MOK: variants seen among roughly 807,000 people sequenced by gnomAD.
MOK encodes the protein MOK protein kinase.
In MOK, 59 loss-of-function variants were observed where a neutral mutation model predicts 54.2. That is an observed-to-expected ratio of 1.09 (90% CI 0.88 to 1.35). The LOEUF (loss-of-function observed/expected upper bound fraction) is 1.35. Among genes scored for constraint, MOK ranks in the 40% most tolerant of loss-of-function variants. The probability of loss-of-function intolerance (pLI) is 0.00; values close to 1 mark genes in which losing one functional copy is unlikely to be tolerated. For synonymous variants in MOK, 210 were observed against 202.7 expected (o/e 1.04, Z -0.31); for missense variants, 517 against 526.2 (o/e 0.98, Z 0.17).
the MOK span, among the ~76,000 whole-genome samples, chr14:102,218,786 G>A: frequency 2.0e-5 from 3 of 152,234 alleles, no homozygotes; most frequent in East Asian, 5.8e-4. Context: ...ACGCCGTGCA[G>A]ATTCTGCCTG....
downstream of MOK, among the ~76,000 whole-genome samples, chr14:102,227,784 G>C (rs2064313407): frequency 6.6e-6 from 1 of 152,162 alleles, no homozygotes; most frequent in African/African-American, 2.4e-5. Context: ...CCCTCCGCGT[G>C]GCCCGCGGTC....
intron 3 of MOK, 26 bp from the exon 4 acceptor site, chr14:102,263,642 A>G: frequency 6.5e-7 from 1 of 1,543,502 alleles, no homozygotes; most frequent in African/African-American, 1.4e-5. Flanking sequence ...AGTTTTTAAA[A>G]TAAATTTTCT....
At chr14:102,281,643 C>T (rs1348798615) in intron 2 of MOK, among the ~76,000 whole-genome samples, 1 of 150,732 alleles carries the variant, frequency 6.6e-6, no homozygotes, top group Non-Finnish European at 1.5e-5. Context: ...TGGGGTCTTG[C>T]TATGTTGCCC....
At chr14:102,270,011 T>C (rs2068225268) in intron 2 of MOK, among the ~76,000 whole-genome samples, 1 of 152,236 alleles carries the variant, frequency 6.6e-6, no homozygotes, top group South Asian at 2.1e-4. Flanking sequence ...TTCATCCATA[T>C]AGATAATGTG....
intron 2 of MOK, chr14:102,277,210 A>G (rs963218615): frequency 6.6e-6 from 1 of 151,988 alleles, no homozygotes; most frequent in Admixed American, 6.6e-5. Flanking sequence ...CGAATTTCAT[A>G]AGCAGCTTTA....
At chr14:102,303,250 C>G (rs2072442381) in intron 1 of MOK, among the ~76,000 whole-genome samples, 1 of 117,800 alleles carries the variant, frequency 8.5e-6, no homozygotes, top group Non-Finnish European at 1.8e-5. Context: ...GAACTGACAT[C>G]AGGCACTCTG....
intron 1 of MOK, among the ~76,000 whole-genome samples, chr14:102,286,960 CTA>C (rs2070185509): frequency 6.6e-6 from 1 of 150,976 alleles, no homozygotes; most frequent in South Asian, 2.1e-4. Context: ...TCCTTAAAAA[CTA>C]TACACACACA....
intron 4 of MOK, among the ~76,000 whole-genome samples, chr14:102,253,586 G>A (rs938702926): frequency 4.6e-5 from 7 of 152,194 alleles, no homozygotes; most frequent in African/African-American, 1.4e-4. Context: ...AGGAGAGGCC[G>A]TTTAGCGTGG....
Position 102,240,269 on chromosome 14 carries a change from C to T in MOK, c.591-6480G>A, listed in dbSNP as rs910740411. 2.6e-5 allele frequency among the ~76,000 whole-genome samples: 4 copies of T among 152,180 alleles called. No homozygotes were observed. The highest frequency in any genetic ancestry group is 5.9e-5 in the Non-Finnish European group (4 of 68,030). On this transcript the variant is annotated intron_variant, in intron 7 of 11. Coordinates refer to ENST00000361847, the MANE Select transcript of MOK (RefSeq NM_014226.3). This position sits in a 1 kb window ranked among gnomAD's most constrained non-coding sequence, Gnocchi z 5.4. Reference sequence around the variant, plus strand: ...CCTGCACCCAGGTGAAATAAACAGCCTTGTTGCTCACACAAAGCCCGTTTG... The same window carrying T: ...CCTGCACCCAGGTGAAATAAACAGCTTTGTTGCTCACACAAAGCCCGTTTG...
At chr14:102,291,405 A>G (rs1003037012) in intron 1 of MOK, among the ~76,000 whole-genome samples, 2 of 152,202 alleles carry the variant, frequency 1.3e-5, no homozygotes, top group African/African-American at 2.4e-5. Flanking sequence ...TTTCTTGAGG[A>G]GCCTCCAAAC....
At chr14:102,257,794 T>C (rs2067087979) in intron 4 of MOK, among the ~76,000 whole-genome samples, 1 of 152,090 alleles carries the variant, frequency 6.6e-6, no homozygotes, top group South Asian at 2.1e-4. Flanking sequence ...CTGGCCAACA[T>C]GGTGAAACCC....
chr14:102,297,352 C>T lies in MOK; in HGVS notation c.7+7610G>A, dbSNP rs12323482. ...CAGCCTGGTCCACACTGCAAGACTC[C>T]GTCTCAAAAATAATAATAACAATAA... On this transcript the variant is annotated intron_variant, in intron 1 of 11. Coordinates refer to ENST00000361847, the MANE Select transcript of MOK (RefSeq NM_014226.3). Among the ~76,000 whole-genome samples, 957 of 151,986 alleles carry T rather than the reference C, an allele frequency of 6.3e-3. 11 individuals carry two copies. Among genetic ancestry groups the T allele is most frequent in the African/African-American group, 0.022 (915 of 41,400 alleles).
At chr14:102,267,955 GAA>G in intron 2 of MOK, among the ~76,000 whole-genome samples, 1 of 135,730 alleles carries the variant, frequency 7.4e-6, no homozygotes, top group Admixed American at 7.5e-5. Flanking sequence ...GCACAGAACA[GAA>G]AAAAAAAAAA....
At chr14:102,215,738 T>A in the MOK span, among the ~76,000 whole-genome samples, 1 of 152,226 alleles carries the variant, frequency 6.6e-6, no homozygotes. Flanking sequence ...GAGGTTGTCC[T>A]GCTGTAGACA....
chr14:102,304,873 A>G lies in MOK; in HGVS notation c.7+89T>C. On this transcript the variant is annotated intron_variant, in intron 1 of 11. Coordinates refer to ENST00000361847, the MANE Select transcript of MOK (RefSeq NM_014226.3). The stretch of plus-strand genomic sequence containing the variant: ...AGAAGGCGACGACGCCCGGCCCCAC[A>G]GGCCCCTCAAGCTCCTCAAGCTCCC... The G allele has an allele frequency of 4.9e-6, 7 of 1,431,540 alleles. 1 individual carries two copies. The highest frequency in any genetic ancestry group is 6.7e-6 in the Non-Finnish European group (7 of 1,042,508). The allele number at this position is 1,431,540 out of a possible 1,614,324, so 88.7% of individuals were successfully genotyped here.
chr14:102,224,859 G>T (rs2064178271), downstream of MOK: 4 of 453,076 alleles, frequency 8.8e-6, no homozygotes, highest in Admixed American at 4.8e-5. Context: ...CAGAATGGAT[G>T]AATTAGACAC....
At position 102,229,357 on chromosome 14, in the gene MOK, G is replaced by T. The variant is rs758728974; in HGVS notation, c.1192C>A (p.Gln398Lys). The T allele has an allele frequency of 2.5e-6, 4 of 1,614,230 alleles. No homozygotes were observed. The Admixed American group carries it at 5.0e-5, about 20-fold the overall frequency. The part of the protein sequence containing the change: ...CIPASKKTDP[Q>K]KDLKPAPQQC... ...TGCGGGGCAGGCTTAAGGTCCTTCT[G>T]CGGATCTGTCTGTCAAAGAAAAATT... The change falls in exon 12 of 12, where the codon CAG becomes AAG. Residue 398 changes from glutamine (Q) to lysine (K), a missense_variant. Physicochemically the swap from Gln to Lys is moderately conservative, Grantham distance 53. Coordinates refer to ENST00000361847, the MANE Select transcript of MOK (RefSeq NM_014226.3).
At chr14:102,268,237 G>A (rs2068066796) in intron 2 of MOK, among the ~76,000 whole-genome samples, 2 of 152,104 alleles carry the variant, frequency 1.3e-5, no homozygotes, top group Admixed American at 1.3e-4. Flanking sequence ...CATTCACTGA[G>A]AAATAATGAG....
chr14:102,243,264 T>G (rs2065852262), intron 7 of MOK, among the ~76,000 whole-genome samples: 1 of 152,154 alleles, frequency 6.6e-6, no homozygotes, highest in Non-Finnish European at 1.5e-5. Context: ...CTAAATCCTT[T>G]CCCCATTCCT....
Sources: allele counts gnomAD v4.1 joint callset (sites outside exome capture counted in the v4.1 genomes callset), GRCh38; gene constraint gnomAD v4.1.1; non-coding constraint Gnocchi (gnomAD v3.1); transcripts MANE v1.5; gene names NCBI Gene and HGNC (gene_info 2026-07-23, HGNC 2026-07-21).